The following DCAF8L2 variants were observed in gnomAD, a reference collection of about 807,000 sequenced individuals.
DCAF8L2 encodes DDB1 and CUL4 associated factor 8 like 2, also known as DDB1- and CUL4-associated factor 8-like protein 2.
For missense variants in DCAF8L2, 430 were observed against 490.7 expected (o/e 0.88, Z 1.17); for synonymous variants, 200 against 190.9 (o/e 1.05, Z -0.39).
the DCAF8L2 span, among the ~76,000 whole-genome samples, chrX:27,522,343 G>T: frequency 8.9e-6 from 1 of 111,928 alleles, no homozygotes; most frequent in Non-Finnish European, 1.9e-5. Context: ...GTGTACTTTT[G>T]TATGTGTATA....
intron 2 of DCAF8L2, among the ~76,000 whole-genome samples, chrX:27,649,879 G>A (rs1265620817): frequency 4.5e-5 from 5 of 111,542 alleles, no homozygotes; most frequent in African/African-American, 1.6e-4. Context: ...CTTTCCCAAG[G>A]CTGATGCATA....
At chrX:27,640,918 G>T (rs977378303) in intron 2 of DCAF8L2, among the ~76,000 whole-genome samples, 4 of 111,384 alleles carry the variant, frequency 3.6e-5, no homozygotes, top group Non-Finnish European at 7.5e-5. Context: ...TTACTTTAGG[G>T]TTTCTAGTAG....
rs1928307277 is a variant in DCAF8L2 at position 27,631,982 on chromosome X, T to G, written c.-238T>G. On this transcript the variant is annotated 5_prime_UTR_variant, in exon 2 of 5. Transcript: ENST00000451261. ...TCCTAGTTGGTTCCTGTGACAGACC[T>G]TGGGAAGCTCAATCTCAGGTAAAGC... 1 of 110,775 alleles carries G rather than the reference T, an allele frequency of 9.0e-6. No individual in the cohort carries two copies. The highest frequency in any genetic ancestry group is 1.9e-5 in the Non-Finnish European group (1 of 52,997). The allele number at this position is 110,775 out of a possible 1,213,427, so 9.1% of individuals were successfully genotyped here.
chrX:27,513,072 C>G, the DCAF8L2 span, among the ~76,000 whole-genome samples: 8 of 111,404 alleles, frequency 7.2e-5, no homozygotes. Context: ...ACCCCTATCT[C>G]TCACCATACA....
chrX:27,470,163 C>G, the DCAF8L2 span, among the ~76,000 whole-genome samples: 1 of 111,689 alleles, frequency 9.0e-6, no homozygotes, highest in Non-Finnish European at 1.9e-5. Flanking sequence ...AAAAATCAAA[C>G]ATTTGTTTAC....
chrX:27,615,213 A>G (rs1485511296), intron 1 of DCAF8L2, among the ~76,000 whole-genome samples: 1 of 111,557 alleles, frequency 9.0e-6, no homozygotes, highest in African/African-American at 3.3e-5. Flanking sequence ...CAGATATCCA[A>G]CTCATCCCTA....
intron 1 of DCAF8L2, among the ~76,000 whole-genome samples, chrX:27,596,781 C>A (rs1273608194): frequency 1.4e-5 from 1 of 71,190 alleles, no homozygotes; most frequent in African/African-American, 5.2e-5. Context: ...TTTTGAGTAT[C>A]AATATTATTA....
intron 2 of DCAF8L2, among the ~76,000 whole-genome samples, chrX:27,640,707 G>C (rs1299876167): frequency 8.9e-6 from 1 of 112,016 alleles, no homozygotes; most frequent in Non-Finnish European, 1.9e-5. Context: ...GGCAATGTAT[G>C]AGAGATCCAG....
chrX:27,494,474 A>T, the DCAF8L2 span, among the ~76,000 whole-genome samples: 1 of 112,300 alleles, frequency 8.9e-6, no homozygotes, highest in South Asian at 3.7e-4. Flanking sequence ...TGCACAGTTG[A>T]TGTTTAATAG....
chrX:27,740,355 C>T (rs998124064), intron 4 of DCAF8L2, among the ~76,000 whole-genome samples: 10 of 111,947 alleles, frequency 8.9e-5, no homozygotes, highest in Non-Finnish European at 7.5e-5. Flanking sequence ...TGGATTAGAG[C>T]GACAGTTTAG....
intron 2 of DCAF8L2, among the ~76,000 whole-genome samples, chrX:27,676,691 G>T (rs1760814460): frequency 9.0e-6 from 1 of 111,260 alleles, no homozygotes; most frequent in African/African-American, 3.3e-5. Flanking sequence ...ATGAGGCAAG[G>T]ACTCTAACTG....
the DCAF8L2 span, among the ~76,000 whole-genome samples, chrX:27,559,996 G>A: frequency 1.9e-4 from 21 of 110,737 alleles, no homozygotes; most frequent in African/African-American, 6.6e-4. Flanking sequence ...AGCCGGGCAC[G>A]GTGGCTCATG....
the DCAF8L2 span, chrX:27,519,539 T>A: frequency 1.3e-6 from 1 of 775,117 alleles, no homozygotes; most frequent in Non-Finnish European, 2.0e-6. Context: ...AAAGAAGAGT[T>A]AAAAACTGTG....
At chrX:27,687,459 A>C (rs1930553144) in intron 3 of DCAF8L2, among the ~76,000 whole-genome samples, 1 of 112,184 alleles carries the variant, frequency 8.9e-6, no homozygotes, top group African/African-American at 3.2e-5. Context: ...CTTTTTAAAT[A>C]GCAAAAGGCA....
upstream of DCAF8L2, among the ~76,000 whole-genome samples, chrX:27,590,184 G>T (rs1926004607): frequency 9.0e-6 from 1 of 111,290 alleles, no homozygotes; most frequent in Admixed American, 9.6e-5. Flanking sequence ...GATTAGGATG[G>T]AACTAGAGAG....
At chrX:27,477,237 T>C in the DCAF8L2 span, among the ~76,000 whole-genome samples, 1 of 112,534 alleles carries the variant, frequency 8.9e-6, no homozygotes, top group African/African-American at 3.2e-5. Flanking sequence ...AGAATGATTC[T>C]AGGCAAAATG....
the DCAF8L2 span, among the ~76,000 whole-genome samples, chrX:27,475,345 T>TG: frequency 2.8e-4 from 31 of 112,216 alleles, no homozygotes; most frequent in African/African-American, 8.4e-4. Flanking sequence ...ATTTTATAGT[T>TG]TTGCTAATTG....
At chrX:27,486,145 A>G in the DCAF8L2 span, among the ~76,000 whole-genome samples, 1 of 107,599 alleles carries the variant, frequency 9.3e-6, no homozygotes, top group Non-Finnish European at 1.9e-5. Flanking sequence ...ATCTGGGATT[A>G]TAGTCATGAG....
At chrX:27,718,426 T>C (rs72623783) in intron 4 of DCAF8L2, among the ~76,000 whole-genome samples, 1 of 112,315 alleles carries the variant, frequency 8.9e-6, no homozygotes, top group Non-Finnish European at 1.9e-5. Context: ...ATACTTCCCC[T>C]ACTTCTAGTT....
Sources: gnomAD v4.1 joint callset for allele counts (sites outside exome capture counted in the v4.1 genomes callset) on GRCh38, gnomAD v4.1.1 for gene constraint, MANE v1.5 for transcripts, NCBI Gene and HGNC (gene_info 2026-07-23, HGNC 2026-07-21) for gene names.